MOCOS: variants seen among roughly 807,000 people sequenced by gnomAD.
MOCOS encodes the protein molybdenum cofactor sulfurase.
A neutral mutation model predicts 83.6 loss-of-function variants in MOCOS; 86 were observed. The ratio of observed to expected loss-of-function variants is 1.03; its 90% CI spans 0.86 to 1.23. The LOEUF (loss-of-function observed/expected upper bound fraction) is 1.23, where lower values mean the gene tolerates loss of function less well. MOCOS is among the 50% of genes most tolerant of loss of function. The pLI is 0.00. For synonymous variants in MOCOS, 445 were observed against 434.7 expected, an observed-to-expected ratio of 1.02 and a Z score of -0.29; for missense variants, 1,120 against 1,126.9, an observed-to-expected ratio of 0.99 and a Z score of 0.09.
chr18:36,193,755 C>A (rs191863504), intron 1 of MOCOS, among the ~76,000 whole-genome samples: 2 of 152,198 alleles, frequency 1.3e-5, no homozygotes, highest in Admixed American at 1.3e-4. Flanking sequence ...TTAAAAAGAA[C>A]TTGTATGTTT....
At chr18:36,254,120 T>C (rs2091632170) in intron 11 of MOCOS, among the ~76,000 whole-genome samples, 1 of 152,194 alleles carries the variant, frequency 6.6e-6, no homozygotes, top group African/African-American at 2.4e-5. Flanking sequence ...AGCTTGTGAC[T>C]GTTTACACTT....
chr18:36,195,234 ATTTAT>A lies in MOCOS; in HGVS notation c.143-19_143-15del. On this transcript the variant is annotated intron_variant, in intron 1 of 14. Coordinates refer to ENST00000261326, the MANE Select transcript of MOCOS (RefSeq NM_017947.4). ...AACCAGATTCAGGTAAAATTTTAGT[ATTTAT>A]TTTGTGTTTTCTTTCAGGAACTGTC... is the stretch of plus-strand genomic sequence containing the variant. 5 of 1,605,354 alleles carry A rather than the reference ATTTAT, an allele frequency of 3.1e-6. No individual in the cohort carries two copies. Among genetic ancestry groups the A allele is most frequent in the Non-Finnish European group, 4.3e-6 (5 of 1,172,218 alleles).
chr18:36,202,753 C>T (rs1424589352), intron 4 of MOCOS, among the ~76,000 whole-genome samples: 1 of 152,138 alleles, frequency 6.6e-6, no homozygotes, highest in Non-Finnish European at 1.5e-5. Context: ...GGAGAGGCCT[C>T]AGGAAACTTA....
rs751301860 is a variant in MOCOS, at chr18:36,198,678, G to C, written c.233-12G>C. 7.4e-6 allele frequency: 12 copies of C among 1,614,132 alleles called. No individual in the cohort carries two copies. In the South Asian group the frequency reaches 1.2e-4, roughly 16 times the overall value. On this transcript the variant is annotated splice_polypyrimidine_tract_variant and intron_variant, in intron 2 of 14. Transcript: ENST00000261326. Reference sequence around the variant, plus strand: ...GTAGTGACTTGGTGGCCTTGTCTTTGTAACCTGCCAGGTAATCCTCACAGC... The same window carrying C: ...GTAGTGACTTGGTGGCCTTGTCTTTCTAACCTGCCAGGTAATCCTCACAGC...
In MOCOS at chr18:36,259,051, A is replaced by T. The variant is rs117552847; in HGVS notation, c.2271-986A>T. 2.0e-3 allele frequency among the ~76,000 whole-genome samples: 190 copies of T among 92,812 alleles called. No homozygotes were observed. In the Middle Eastern group the frequency reaches 0.04, roughly 20 times the overall value. The allele number at this position is 92,812 out of a possible 152,430, so 60.9% of individuals were successfully genotyped here. A position where few individuals can be genotyped will look rare whatever the true frequency, so the allele number is the denominator to read the frequency against. On this transcript the variant is annotated intron_variant, in intron 12 of 14. Coordinates refer to ENST00000261326, the MANE Select transcript of MOCOS (RefSeq NM_017947.4). ...GTTCTTTTGTCAGAGAAGTTTTAAG[A>T]TGTATTTTCAGTGCGTTCTTCTGGG... is the stretch of plus-strand genomic sequence containing the variant.
intron 5 of MOCOS, among the ~76,000 whole-genome samples, chr18:36,204,872 C>T (rs542202681): frequency 1.3e-4 from 20 of 151,174 alleles, no homozygotes; most frequent in East Asian, 3.9e-4. Context: ...GAATGCCTGT[C>T]GTCCCAGCTA....
At chr18:36,253,618 A>G (rs1369389448) in intron 11 of MOCOS, among the ~76,000 whole-genome samples, 1 of 151,426 alleles carries the variant, frequency 6.6e-6, no homozygotes, top group African/African-American at 2.4e-5. Flanking sequence ...GTGAGCCAAG[A>G]CCACGCCACT....
In MOCOS at chr18:36,268,661, G is replaced by C; in HGVS notation, c.2643G>C (p.Glu881Asp). 3 of 1,612,740 alleles carry C rather than the reference G, an allele frequency of 1.9e-6. No homozygotes were observed. Among genetic ancestry groups the C allele is most frequent in the Non-Finnish European group, 2.5e-6 (3 of 1,179,868 alleles). Residue 881 changes from glutamate (E) to aspartate (D), a missense_variant, in exon 15 of 15, where the codon GAG (glutamate) becomes GAC (aspartate). By Grantham distance (45) the Glu-to-Asp change is conservative. Coordinates refer to ENST00000261326, the MANE Select transcript of MOCOS (RefSeq NM_017947.4). The part of the protein sequence containing the change: ...NVEGHDLPAS[E>D]KHQDVTS Reference sequence around the variant, plus strand: ...AAGGTCATGATTTACCTGCATCTGAGAAACACCAGGATGTTACCTCCTAAA... The same window carrying C: ...AAGGTCATGATTTACCTGCATCTGACAAACACCAGGATGTTACCTCCTAAA...
At chr18:36,263,039 A>G (rs1179737088) in intron 13 of MOCOS, among the ~76,000 whole-genome samples, 1 of 152,104 alleles carries the variant, frequency 6.6e-6, no homozygotes, top group Non-Finnish European at 1.5e-5. Context: ...AGCCTGGGAA[A>G]TGAAGGCTGC....
intron 6 of MOCOS, 122 bp from the exon 7 acceptor site, chr18:36,213,244 C>T (rs2091461851): frequency 1.3e-6 from 1 of 793,530 alleles, no homozygotes; most frequent in Non-Finnish European, 2.2e-6. Flanking sequence ...TTTTAGAGGA[C>T]AATTCCAGGC....
chr18:36,194,379 TG>T lies in MOCOS; in HGVS notation c.143-877del, dbSNP rs1229829990. ...TCTTCACATTATATGTACTTGAAAG[TG>T]TATCTCAGAGTTTGTTTCATGTCAG... On this transcript the variant is annotated intron_variant, in intron 1 of 14. Coordinates refer to ENST00000261326, the MANE Select transcript of MOCOS (RefSeq NM_017947.4). Among the ~76,000 whole-genome samples the T allele has an allele frequency of 1.3e-4, 20 of 152,354 alleles. No homozygotes were observed. In the East Asian group the frequency reaches 3.1e-3, roughly 23 times the overall value.
At chr18:36,266,424 C>T (rs567320367) in intron 13 of MOCOS, among the ~76,000 whole-genome samples, 1 of 152,218 alleles carries the variant, frequency 6.6e-6, no homozygotes, top group South Asian at 2.1e-4. Context: ...GTGTGAGCCA[C>T]CATGCTGGCT....
intron 5 of MOCOS, among the ~76,000 whole-genome samples, 180 bp from the exon 6 acceptor site, chr18:36,204,892 CTGAGG>C (rs2091428610): frequency 7.0e-6 from 1 of 142,984 alleles, no homozygotes; most frequent in South Asian, 2.3e-4. Context: ...ACTTGGGAGG[CTGAGG>C]TGAGAGGATC....
Position 36,199,551 on chromosome 18 carries a change from A to G in MOCOS, c.300-132A>G, listed in dbSNP as rs1598871240. On this transcript the variant is annotated intron_variant, in intron 3 of 14. Coordinates refer to ENST00000261326, the MANE Select transcript of MOCOS (RefSeq NM_017947.4). ...CACGGCTTCCATTGCCCTCGCCCTA[A>G]TTTCGCAGCTGTGGCAAACCTATCT... is the stretch of plus-strand genomic sequence containing the variant. The G allele has an allele frequency of 6.2e-6, 9 of 1,442,788 alleles. No individual in the cohort carries two copies. The East Asian group carries it at 2.1e-4, about 33-fold the overall frequency. 89.4% of individuals were successfully genotyped at this position (1,442,788 alleles called of 1,614,324 possible). A position where few individuals can be genotyped will look rare whatever the true frequency, so the allele number is the denominator to read the frequency against.
chr18:36,268,279 A>G (rs2091688176), intron 14 of MOCOS, among the ~76,000 whole-genome samples: 1 of 152,158 alleles, frequency 6.6e-6, no homozygotes, highest in Non-Finnish European at 1.5e-5. Context: ...TGGGACAGAG[A>G]TGTGCCCAGC....
Position 36,270,883 on chromosome 18 carries a change from C to G in MOCOS, c.*2198C>G, listed in dbSNP as rs539766794. ...AGGCTGGAGTGCAGTGGCATGATCA[C>G]AGATCATTGCAGCCTTGACCTCTTG... On this transcript the variant is annotated 3_prime_UTR_variant, in exon 15 of 15. Coordinates refer to ENST00000261326, the MANE Select transcript of MOCOS (RefSeq NM_017947.4). 1 of 151,974 alleles carries G rather than the reference C, an allele frequency of 6.6e-6. No homozygotes were observed. Among genetic ancestry groups the G allele is most frequent in the South Asian group, 2.1e-4 (1 of 4,766 alleles). The allele number at this position is 151,974 out of a possible 1,614,324, so 9.4% of individuals were successfully genotyped here.
At chr18:36,249,696 C>T (rs114078493) in intron 10 of MOCOS, among the ~76,000 whole-genome samples, 406 of 152,122 alleles carry the variant, frequency 2.7e-3, no homozygotes, top group African/African-American at 9.3e-3. Context: ...ACAGGTGAGA[C>T]AAGATGGAGG....
At chr18:36,268,442 T>C in intron 14 of MOCOS, 91 bp from the exon 15 acceptor site, 1 of 1,539,648 alleles carries the variant, frequency 6.5e-7, no homozygotes, top group South Asian at 1.1e-5. Context: ...AAAATCTGAC[T>C]TGATTTTAGT....
intron 1 of MOCOS, among the ~76,000 whole-genome samples, chr18:36,189,145 A>G (rs774181290): frequency 1.3e-5 from 2 of 151,662 alleles, no homozygotes; most frequent in African/African-American, 4.8e-5. Flanking sequence ...TCTCCCCTCA[A>G]TGCTACCCTG....
Sources: gnomAD v4.1 joint callset for allele counts (sites outside exome capture counted in the v4.1 genomes callset) on GRCh38, gnomAD v4.1.1 for gene constraint, MANE v1.5 for transcripts, NCBI Gene and HGNC (gene_info 2026-07-23, HGNC 2026-07-21) for gene names.